MRPL28: variants seen among roughly 807,000 people sequenced by gnomAD.
The protein encoded by MRPL28 is large ribosomal subunit protein bL28m.
A neutral mutation model predicts 26.2 loss-of-function variants in MRPL28; 25 were observed. The observed-to-expected ratio is 0.95, with a 90% CI of 0.69 to 1.33. The LOEUF (loss-of-function observed/expected upper bound fraction) is 1.33. MRPL28 is among the 40% of genes most tolerant of loss of function. The pLI, the probability that MRPL28 is intolerant of heterozygous loss-of-function variation, is 0.00. For synonymous variants in MRPL28, 227 were observed against 140.1 expected (o/e 1.62, Z -4.38); for missense variants, 432 against 327.2 (o/e 1.32, Z -2.47).
In MRPL28 at chr16:369,794, C is replaced by T. The variant is rs1024771267; in HGVS notation, c.288+137G>A. 5.2e-6 allele frequency: 6 copies of T among 1,149,138 alleles called. No homozygotes were observed. The African/African-American group carries it at 6.2e-5, about 12-fold the overall frequency. The allele number at this position is 1,149,138 out of a possible 1,614,324, so 71.2% of individuals were successfully genotyped here. ...CTGCGGTTCTTCACTCAGCGTGCTC[C>T]TTTGCCGGAGATGTGTCGCCTCCAG... On this transcript the variant is annotated intron_variant, in intron 2 of 5. Coordinates refer to ENST00000199706, the MANE Select transcript of MRPL28 (RefSeq NM_006428.5).
At position 370,160 on chromosome 16, in the gene MRPL28, A is replaced by T. The variant is rs1290859894; in HGVS notation, c.59T>A (p.Ile20Asn). The T allele has an allele frequency of 1.9e-6, 3 of 1,600,880 alleles. No individual in the cohort carries two copies. The highest frequency in any genetic ancestry group is 2.6e-6 in the Non-Finnish European group (3 of 1,176,202). ...GTAGTGGCCGGGCAGGCGGGAACAG[A>T]TGCCCTCCCGCAGCTGCAGCCGCTT... ...LWKRLQLREGICSRLPGHYLR... is the reference protein window; with the variant it reads ...LWKRLQLREGNCSRLPGHYLR... Residue 20 changes from isoleucine (I) to asparagine (N), a missense_variant, in exon 2 of 6, where the codon ATC becomes AAC. Ile to Asn is a moderately radical substitution (Grantham distance 149). Transcript: ENST00000199706.
chr16:367,781 T>C lies in MRPL28; in HGVS notation c.665A>G (p.Asp222Gly). The C allele has an allele frequency of 6.2e-7, 1 of 1,613,206 alleles. No individual in the cohort carries two copies. Among genetic ancestry groups the C allele is most frequent in the Non-Finnish European group, 8.5e-7 (1 of 1,179,668 alleles). Residue 222 changes from aspartate (D) to glycine (G), a missense_variant and splice_region_variant, in exon 6 of 6, where the codon GAC becomes GGC. By Grantham distance (94) the Asp-to-Gly change is moderately conservative. Coordinates refer to ENST00000199706, the MANE Select transcript of MRPL28 (RefSeq NM_006428.5). ...ATAGATCTTGAACAGGGGTACAGGG[T>C]CCTGAAGGAGAGAGGGGCTCATGGT... ...IEKQRLLEEKDPVPLFKIYVA... is the reference protein window; with the variant it reads ...IEKQRLLEEKGPVPLFKIYVA...
Position 369,203 on chromosome 16 carries a change from C to T in MRPL28, c.306G>A (p.Lys102=), listed in dbSNP as rs767099515. 194 of 1,613,874 alleles carry T rather than the reference C, an allele frequency of 1.2e-4. No individual in the cohort carries two copies. Among genetic ancestry groups the T allele is most frequent in the Non-Finnish European group, 1.4e-4 (169 of 1,179,942 alleles). The part of the protein sequence containing the change: ...ANNDKLSKRL[K]KVWKPQLFER... ...CAAACAGCTGTGGCTTCCACACTTT[C>T]TTCAGCCTCTTGGAGAGCTGAGGGT... The change falls in exon 3 of 6, where the codon AAG becomes AAA. Residue 102 remains lysine, a synonymous_variant. Coordinates refer to ENST00000199706, the MANE Select transcript of MRPL28 (RefSeq NM_006428.5).
chr16:367,519 G>A lies in MRPL28; in HGVS notation c.*156C>T, dbSNP rs1378506324. ...GCCTCCTGGGGATCCCTGCCAAGCT[G>A]GCCCCGGGCTGGAAGGTGCATGGGC... On this transcript the variant is annotated 3_prime_UTR_variant, in exon 6 of 6. Coordinates refer to ENST00000199706, the MANE Select transcript of MRPL28 (RefSeq NM_006428.5). 2.6e-6 allele frequency: 2 copies of A among 756,910 alleles called. No homozygotes were observed. The highest frequency in any genetic ancestry group is 2.3e-6 in the Non-Finnish European group (1 of 427,174). 46.9% of individuals were successfully genotyped at this position (756,910 alleles called of 1,614,324 possible). A position where few individuals can be genotyped will look rare whatever the true frequency, so the allele number is the denominator to read the frequency against.
chr16:370,046 T>A lies in MRPL28; in HGVS notation c.173A>T (p.Gln58Leu). ...GGGCACGTCCTCCACACGCTCCCGC[T>A]GCCCGTTCTTGGGGTTGATCTTGAA... ...AKFKINPKNG[Q>L]RERVEDVPIP... Residue 58 changes from glutamine (Q) to leucine (L), a missense_variant, in exon 2 of 6, where the codon CAG (glutamine) becomes CTG (leucine). Transcript: ENST00000199706. 6.2e-7 allele frequency: 1 copy of A among 1,613,162 alleles called. No homozygotes were observed. The highest frequency in any genetic ancestry group is 8.5e-7 in the Non-Finnish European group (1 of 1,179,808).
intron 2 of MRPL28, chr16:369,648 T>C: frequency 1.4e-6 from 1 of 720,500 alleles, no homozygotes; most frequent in South Asian, 1.5e-5. Context: ...CCACCTGCTC[T>C]GCTCATCACA....
At position 370,199 on chromosome 16, in the gene MRPL28, G is replaced by A. The variant is rs1454537858; in HGVS notation, c.20C>T (p.Pro7Leu). 1 of 1,596,140 alleles carries A rather than the reference G, an allele frequency of 6.3e-7. No homozygotes were observed. The highest frequency in any genetic ancestry group is 8.5e-7 in the Non-Finnish European group (1 of 1,176,604). MPLHKY[P>L]VWLWKRLQLR... Reference sequence around the variant, plus strand: ...CTGCAGCCGCTTCCAGAGCCACACGGGATACTTGTGTAGAGGCATCGCGAG... The same window carrying A: ...CTGCAGCCGCTTCCAGAGCCACACGAGATACTTGTGTAGAGGCATCGCGAG... Residue 7 changes from proline (P) to leucine (L), a missense_variant, in exon 2 of 6, where the codon CCC (proline) becomes CTC (leucine). Physicochemically the swap from Pro to Leu is moderately conservative, Grantham distance 98. Transcript: ENST00000199706.
Position 368,365 on chromosome 16 carries a change from T to C in MRPL28, c.626A>G (p.Glu209Gly), listed in dbSNP as rs749381307. Reference protein sequence around the residue: ...EEAEWVGLTLEEAIEKQRLLE... With the variant: ...EEAEWVGLTLGEAIEKQRLLE... ...AAGTCTCTGCTTCTCAATGGCCTCC[T>C]CCAGCGTGAGGCCCACCCACTCTGC... Residue 209 changes from glutamate (E) to glycine (G), a missense_variant, in exon 5 of 6, where the codon GAG (glutamate) becomes GGG (glycine). Coordinates refer to ENST00000199706, the MANE Select transcript of MRPL28 (RefSeq NM_006428.5). 2 of 1,613,712 alleles carry C rather than the reference T, an allele frequency of 1.2e-6. No individual in the cohort carries two copies. The highest frequency in any genetic ancestry group is 1.7e-6 in the Non-Finnish European group (2 of 1,179,998).
chr16:369,125 G>A lies in MRPL28; in HGVS notation c.384C>T (p.Thr128=), dbSNP rs1163191990. Residue 128 remains threonine, a synonymous_variant, in exon 3 of 6, where the codon ACC becomes ACT. Coordinates refer to ENST00000199706, the MANE Select transcript of MRPL28 (RefSeq NM_006428.5). ...CATCGATGAGGTCCAGGGTCCGCAT[G>A]GTCACAGTCACTGTGAACTTCTTGT... ...ILDKKFTVTV[T]MRTLDLIDEA... 1 of 1,614,024 alleles carries A rather than the reference G, an allele frequency of 6.2e-7. No homozygotes were observed.
At position 369,244 on chromosome 16, in the gene MRPL28, T is replaced by C. The variant is rs551684435; in HGVS notation, c.289-24A>G. On this transcript the variant is annotated intron_variant, in intron 2 of 5. Transcript: ENST00000199706. Reference sequence around the variant, plus strand: ...AGCTGAGGGTGCAACAGAGCCTCCATGAGTACTGCTGCTTTCTCTTACATA... The same window carrying C: ...AGCTGAGGGTGCAACAGAGCCTCCACGAGTACTGCTGCTTTCTCTTACATA... 12 of 1,609,392 alleles carry C rather than the reference T, an allele frequency of 7.5e-6. 1 individual carries two copies. The East Asian group carries it at 1.6e-4, about 21-fold the overall frequency.
chr16:370,356 T>A lies in MRPL28; in HGVS notation c.-7-131A>T, dbSNP rs1361687798. On this transcript the variant is annotated intron_variant, in intron 1 of 5. Transcript: ENST00000199706. Reference sequence around the variant, plus strand: ...CTCACCCGCTACCCCGGCCCCCGGCTCTCACCCGCTACCCCGGCCCCCGGC... The same window carrying A: ...CTCACCCGCTACCCCGGCCCCCGGCACTCACCCGCTACCCCGGCCCCCGGC... 134 of 1,165,804 alleles carry A rather than the reference T, an allele frequency of 1.1e-4. 2 individuals are homozygous for A. Among genetic ancestry groups the A allele is most frequent in the Non-Finnish European group, 1.3e-4 (119 of 902,864 alleles). The allele number at this position is 1,165,804 out of a possible 1,614,324, so 72.2% of individuals were successfully genotyped here. A position where few individuals can be genotyped will look rare whatever the true frequency, so the allele number is the denominator to read the frequency against.
rs200204987 is a variant in MRPL28 at position 369,889 on chromosome 16, C to G, written c.288+42G>C. ...GCGTCCGGCACAGAGCCGGCACAGC[C>G]AAGCCCTGAGAGGAGCCCCTGAAGG... is the stretch of plus-strand genomic sequence containing the variant. On this transcript the variant is annotated intron_variant, in intron 2 of 5. Transcript: ENST00000199706. 1.2e-3 allele frequency: 1,881 copies of G among 1,576,934 alleles called. 11 individuals are homozygous for G. The highest frequency in any genetic ancestry group is 6.5e-4 in the Non-Finnish European group (752 of 1,165,602).
intron 2 of MRPL28, chr16:369,686 C>A: frequency 1.4e-6 from 1 of 727,354 alleles, no homozygotes; most frequent in Non-Finnish European, 2.5e-6. Flanking sequence ...CTAACTTTAC[C>A]CCGACTCCCC....
Position 368,412 on chromosome 16 carries a change from T to C in MRPL28, c.579A>G (p.Glu193=), listed in dbSNP as rs1190474499. ...RRAAIYDKYK[E]FAIPEEEAEW... ...CTGCCTCCTCCTCTGGGATGGCAAA[T>C]TCCTAGGCAGGCAGAGATGGAAAGG... The change falls in exon 5 of 6, where the codon GAA becomes GAG. Residue 193 remains glutamate, a splice_region_variant and synonymous_variant. Coordinates refer to ENST00000199706, the MANE Select transcript of MRPL28 (RefSeq NM_006428.5). 1 of 1,613,672 alleles carries C rather than the reference T, an allele frequency of 6.2e-7. No homozygotes were observed. Among genetic ancestry groups the C allele is most frequent in the Non-Finnish European group, 8.5e-7 (1 of 1,179,944 alleles).
intron 5 of MRPL28, among the ~76,000 whole-genome samples, chr16:367,984 A>G (rs1351385614): frequency 6.6e-6 from 1 of 152,210 alleles, no homozygotes; most frequent in Non-Finnish European, 1.5e-5. Flanking sequence ...CCCTGTGGTC[A>G]TGGATAAACA....
rs762818770 is a variant in MRPL28, at chr16:367,642, G to A, written c.*33C>T. ...GCAAAGGGCCTGGCAGGGAAAGCTG[G>A]GCCTGTTGGTCAGGCATGGAGGAGC... On this transcript the variant is annotated 3_prime_UTR_variant, in exon 6 of 6. Coordinates refer to ENST00000199706, the MANE Select transcript of MRPL28 (RefSeq NM_006428.5). 12 of 1,566,682 alleles carry A rather than the reference G, an allele frequency of 7.7e-6. No homozygotes were observed. In the East Asian group the frequency reaches 2.5e-4, roughly 32 times the overall value.
At chr16:368,968 G>C in intron 3 of MRPL28, 100 bp downstream of exon 3, 1 of 1,407,346 alleles carries the variant, frequency 7.1e-7, no homozygotes, top group South Asian at 1.3e-5. Flanking sequence ...CTCCTGTGCA[G>C]ATGTCAGCGT....
chr16:368,781 T>TG (rs2054285972), intron 3 of MRPL28, 146 bp from the exon 4 acceptor site: 3 of 1,281,772 alleles, frequency 2.3e-6, no homozygotes, highest in African/African-American at 1.5e-5. Flanking sequence ...CACCCCAGCC[T>TG]GGGGGGTGGG....
chr16:367,611 C>G lies in MRPL28; in HGVS notation c.*64G>C. The G allele has an allele frequency of 6.9e-7, 1 of 1,446,918 alleles. No individual in the cohort carries two copies. The highest frequency in any genetic ancestry group is 9.7e-7 in the Non-Finnish European group (1 of 1,034,186). 89.6% of individuals were successfully genotyped at this position (1,446,918 alleles called of 1,614,324 possible). ...CTCACAGCTCCCCGGGATCTGTGTC[C>G]TCAGTGCAAAGGGCCTGGCAGGGAA... On this transcript the variant is annotated 3_prime_UTR_variant, in exon 6 of 6. Transcript: ENST00000199706.
Sources: allele counts gnomAD v4.1 joint callset (sites outside exome capture counted in the v4.1 genomes callset), GRCh38; gene constraint gnomAD v4.1.1; transcripts MANE v1.5; gene names NCBI Gene and HGNC (gene_info 2026-07-23, HGNC 2026-07-21).